DLG5: variants seen among roughly 807,000 people sequenced by gnomAD.
DLG5 encodes the protein disks large homolog 5.
Under a neutral mutation model 189.8 loss-of-function variants are expected in DLG5, and 48 were observed. That is an observed-to-expected ratio of 0.25 (90% CI 0.20 to 0.32). DLG5 has a LOEUF of 0.32. Among genes scored for constraint, DLG5 ranks in the 10% least tolerant of loss-of-function variants. The pLI, the probability that DLG5 is intolerant of heterozygous loss-of-function variation, is 1.00. For missense variants in DLG5, 2,160 were observed against 2,544.7 expected (o/e 0.85, Z 3.25); for synonymous variants, 1,016 against 1,054.1 (o/e 0.96, Z 0.70).
chr10:77,939,496 C>A, the DLG5 span, among the ~76,000 whole-genome samples: 1 of 152,214 alleles, frequency 6.6e-6, no homozygotes, highest in African/African-American at 2.4e-5. Flanking sequence ...ACCCACACCT[C>A]TATTGTTCCT....
At chr10:77,888,867 G>A (rs188738858) in intron 1 of DLG5, among the ~76,000 whole-genome samples, 4 of 152,156 alleles carry the variant, frequency 2.6e-5, no homozygotes, top group Non-Finnish European at 4.4e-5. Context: ...GGGTAGTGAC[G>A]AAGACACCCC....
intron 27 of DLG5, among the ~76,000 whole-genome samples, chr10:77,805,307 G>A (rs1293304789): frequency 1.3e-5 from 2 of 152,174 alleles, no homozygotes; most frequent in African/African-American, 4.8e-5. Context: ...ACATGCAAGT[G>A]GACAATGAGA....
chr10:77,800,896 G>T (rs1179826700), intron 27 of DLG5, among the ~76,000 whole-genome samples: 1 of 151,896 alleles, frequency 6.6e-6, no homozygotes, highest in African/African-American at 2.4e-5. Flanking sequence ...CCACTGGTGG[G>T]CCACCCCCTA....
At chr10:77,858,256 G>T (rs1444967123) in intron 2 of DLG5, among the ~76,000 whole-genome samples, 1 of 152,046 alleles carries the variant, frequency 6.6e-6, no homozygotes, top group South Asian at 2.1e-4. Flanking sequence ...CCACATGTAG[G>T]ATGTGGTCCC....
chr10:77,849,617 G>A (rs567041810), intron 5 of DLG5, among the ~76,000 whole-genome samples: 3 of 152,342 alleles, frequency 2.0e-5, no homozygotes, highest in African/African-American at 4.8e-5. Flanking sequence ...TGACCAGGAT[G>A]CATCCCCACC....
chr10:77,833,544 CGAGT>C (rs66534828), intron 9 of DLG5, among the ~76,000 whole-genome samples: 67,847 of 150,782 alleles, frequency 0.45, 16,538 homozygotes, highest in African/African-American at 0.64. Context: ...AAAATCTCTG[CGAGT>C]GAGTGAGTGA....
In DLG5 at chr10:77,843,623, G is replaced by A. The variant is rs1843537964; in HGVS notation, c.948C>T (p.Asp316=). 1 of 1,613,868 alleles carries A rather than the reference G, an allele frequency of 6.2e-7. No individual in the cohort carries two copies. Among genetic ancestry groups the A allele is most frequent in the Admixed American group, 1.7e-5 (1 of 59,956 alleles). Residue 316 remains aspartate (D), a synonymous_variant, in exon 6 of 32, where the codon GAC becomes GAT. Transcript: ENST00000372391. ...AMDKLEVVKK[D]YDALRKRYSE... ...TGTACCTCTTCCGAAGGGCGTCATA[G>A]TCCTTCTTGACCACCTCCAACTTGT...
Position 77,821,288 on chromosome 10 carries a change from G to A in DLG5, c.3196C>T (p.Pro1066Ser). ...GCAATGCGGACCCTGGCCTTGCGAG[G>A]GGGTGATGCGTGCATGGGCTCCCCG... Reference protein sequence around the residue: ...DPGEPMHASPPRKARVRIASS... With the variant: ...DPGEPMHASPSRKARVRIASS... Residue 1066 changes from proline to serine, a missense_variant, in exon 15 of 32, where the codon CCT becomes TCT. Pro to Ser is a moderately conservative substitution (Grantham distance 74). Around this residue, in one of 5 missense-constraint regions of DLG5, gnomAD observed 754 missense variants for 746.5 expected, o/e 1.01. Transcript: ENST00000372391. 1.2e-6 allele frequency: 2 copies of A among 1,613,698 alleles called. No homozygotes were observed. Among genetic ancestry groups the A allele is most frequent in the Non-Finnish European group, 1.7e-6 (2 of 1,180,046 alleles).
chr10:77,870,411 G>A lies in DLG5; in HGVS notation c.305-1214C>T, dbSNP rs548509965. ...ATTTAAGGAGCTCCCAGCAGGGCAC[G>A]GTGGCTCACACCTATAATCCCAGTG... On this transcript the variant is annotated intron_variant, in intron 1 of 31. Transcript: ENST00000372391. Among the ~76,000 whole-genome samples the A allele has an allele frequency of 7.2e-5, 11 of 152,292 alleles. No individual in the cohort carries two copies. In the South Asian group the frequency reaches 1.9e-3, roughly 26 times the overall value.
At position 77,792,426 on chromosome 10, in the gene DLG5, A is replaced by G. The variant is rs755775088; in HGVS notation, c.*14T>C. On this transcript the variant is annotated 3_prime_UTR_variant, in exon 32 of 32. Coordinates refer to ENST00000372391, the MANE Select transcript of DLG5 (RefSeq NM_004747.4). The stretch of plus-strand genomic sequence containing the variant: ...CAGGCGGCCAGCTGCAGTCATCCAC[A>G]GCACAGCATTCTCCTAGAGCGGGCA... 1 of 1,613,414 alleles carries G rather than the reference A, an allele frequency of 6.2e-7. No homozygotes were observed. Among genetic ancestry groups the G allele is most frequent in the South Asian group, 1.1e-5 (1 of 91,066 alleles).
intron 1 of DLG5, among the ~76,000 whole-genome samples, chr10:77,893,143 G>A (rs543649586): frequency 3.3e-5 from 5 of 152,224 alleles, no homozygotes; most frequent in South Asian, 4.1e-4. Flanking sequence ...ACAAATAAAC[G>A]TCACCTTACC....
intron 2 of DLG5, among the ~76,000 whole-genome samples, chr10:77,861,996 G>A (rs925816924): frequency 6.6e-6 from 1 of 152,162 alleles, no homozygotes; most frequent in African/African-American, 2.4e-5. Flanking sequence ...GGGCCACAGG[G>A]GACCTCATGA....
At chr10:77,829,285 C>T in intron 12 of DLG5, 70 bp downstream of exon 12, 10 of 1,596,780 alleles carry the variant, frequency 6.3e-6, no homozygotes, top group Non-Finnish European at 8.6e-6. Flanking sequence ...TAAGGGGCAC[C>T]CCCGGCCCCT....
chr10:77,866,660 T>C (rs948177633), intron 2 of DLG5, among the ~76,000 whole-genome samples: 10 of 151,866 alleles, frequency 6.6e-5, no homozygotes, highest in Admixed American at 5.9e-4. Context: ...ACTGCAGACC[T>C]GGACACTGTC....
chr10:77,924,006 A>C (rs1846612319), intron 1 of DLG5, among the ~76,000 whole-genome samples: 1 of 152,102 alleles, frequency 6.6e-6, no homozygotes, highest in Admixed American at 6.5e-5. Context: ...CTGGGACTAC[A>C]GGCGCCCACA....
intron 9 of DLG5, among the ~76,000 whole-genome samples, chr10:77,832,208 T>C (rs748922584): frequency 3.3e-5 from 5 of 152,282 alleles, no homozygotes; most frequent in Admixed American, 6.5e-5. Context: ...AAAAATTTGA[T>C]AGATTTGACT....
chr10:77,856,224 C>A (rs949940075), intron 3 of DLG5, among the ~76,000 whole-genome samples: 1 of 152,054 alleles, frequency 6.6e-6, no homozygotes, highest in Non-Finnish European at 1.5e-5. Flanking sequence ...TGGTGGCACA[C>A]ACCTATAGTC....
At chr10:77,834,757 T>C (rs1843043728) in intron 8 of DLG5, among the ~76,000 whole-genome samples, 1 of 152,088 alleles carries the variant, frequency 6.6e-6, no homozygotes, top group Non-Finnish European at 1.5e-5. Context: ...GGCTGAGGAC[T>C]GCCCCCTGGA....
At chr10:77,889,029 TAACCTCCCA>T in intron 1 of DLG5, among the ~76,000 whole-genome samples, 4 of 148,960 alleles carry the variant, frequency 2.7e-5, no homozygotes, top group African/African-American at 9.9e-5. Flanking sequence ...AGCCCACAGG[TAACCTCCCA>T]GGCCTCACAA....
Sources: gnomAD v4.1 joint callset for allele counts (sites outside exome capture counted in the v4.1 genomes callset) on GRCh38, gnomAD v4.1.1 for gene constraint, gnomAD v4.1.1 regional missense constraint, MANE v1.5 for transcripts, NCBI Gene and HGNC (gene_info 2026-07-23, HGNC 2026-07-21) for gene names.